Variants in GTPBP8 observed in about 807,000 individuals in gnomAD.
GTPBP8 encodes GTP-binding protein 8.
In GTPBP8, 21 loss-of-function variants were observed where a neutral mutation model predicts 27.3. That is an observed-to-expected ratio of 0.77 (90% CI 0.55 to 1.11). The LOEUF is 1.11. GTPBP8 is among the 50% of genes least tolerant of loss of function. The probability of loss-of-function intolerance (pLI) is 0.00; values close to 1 mark genes in which losing one functional copy is unlikely to be tolerated. For missense variants in GTPBP8, 380 were observed against 350.8 expected, an observed-to-expected ratio of 1.08 and a Z score of -0.67; for synonymous variants, 147 against 135.3, an observed-to-expected ratio of 1.09 and a Z score of -0.60.
chr3:112,998,122 C>T (rs1238493066), intron 4 of GTPBP8, among the ~76,000 whole-genome samples: 1 of 152,146 alleles, frequency 6.6e-6, no homozygotes, highest in Non-Finnish European at 1.5e-5. Flanking sequence ...TTTTCCTCTG[C>T]TCTCATACCA....
At position 113,001,579 on chromosome 3, in the gene GTPBP8, C is replaced by T. The variant is rs1460991566; in HGVS notation, c.*660C>T. The T allele has an allele frequency of 6.6e-6, 1 of 152,082 alleles. No individual in the cohort carries two copies. The highest frequency in any genetic ancestry group is 1.5e-5 in the Non-Finnish European group (1 of 68,014). The allele number at this position is 152,082 out of a possible 1,614,324, so 9.4% of individuals were successfully genotyped here. A position where few individuals can be genotyped will look rare whatever the true frequency, so the allele number is the denominator to read the frequency against. ...ATTAAGATTCAAATGAATGGTTTTA[C>T]AGCAGGTAACATGTGAGAAGACAGC... On this transcript the variant is annotated 3_prime_UTR_variant, in exon 6 of 6. Coordinates refer to ENST00000383678, the MANE Select transcript of GTPBP8 (RefSeq NM_014170.4).
intron 3 of GTPBP8, 77 bp downstream of exon 3, chr3:112,995,342 T>A: frequency 8.2e-6 from 7 of 854,216 alleles, no homozygotes; most frequent in Non-Finnish European, 1.3e-5. Flanking sequence ...ATTATACACA[T>A]GATTAACACT....
intron 1 of GTPBP8, chr3:112,992,460 T>C (rs1267205503): frequency 1.3e-5 from 2 of 152,468 alleles, no homozygotes; most frequent in African/African-American, 4.8e-5. Context: ...GTATTAATGG[T>C]TATTATCGAG....
intron 3 of GTPBP8, among the ~76,000 whole-genome samples, chr3:112,996,447 G>C (rs1933788219): frequency 6.6e-6 from 1 of 151,716 alleles, no homozygotes; most frequent in Non-Finnish European, 1.5e-5. Context: ...CTGGGCAACA[G>C]AATGAGGCTC....
At chr3:112,991,563 A>G (rs765854825) in intron 1 of GTPBP8, 11 of 692,076 alleles carry the variant, frequency 1.6e-5, no homozygotes, top group South Asian at 1.2e-4. Context: ...CCCATGGTAA[A>G]GTCAAAAATC....
intron 4 of GTPBP8, among the ~76,000 whole-genome samples, chr3:112,998,601 C>A (rs1559711555): frequency 6.6e-6 from 1 of 151,972 alleles, no homozygotes; most frequent in Non-Finnish European, 1.5e-5. Context: ...GTCATATGAC[C>A]ACAATCAGAA....
At chr3:112,996,400 AG>A (rs757701036) in intron 3 of GTPBP8, among the ~76,000 whole-genome samples, 65 of 152,168 alleles carry the variant, frequency 4.3e-4, no homozygotes, top group African/African-American at 1.5e-3. Flanking sequence ...CAGGAGGCAG[AG>A]GTTAGTGAGC....
chr3:113,000,959 A>C lies in GTPBP8; in HGVS notation c.*40A>C, dbSNP rs761252454. 4 of 1,115,720 alleles carry C rather than the reference A, an allele frequency of 3.6e-6. No homozygotes were observed. The African/African-American group carries it at 6.3e-5, about 18-fold the overall frequency. 69.1% of individuals were successfully genotyped at this position (1,115,720 alleles called of 1,614,324 possible). The stretch of plus-strand genomic sequence containing the variant: ...GCTGAAGATTCAAAAAAAAAAAAAA[A>C]AGCTTTATGCTAACTGGAGTTAAAT... On this transcript the variant is annotated 3_prime_UTR_variant, in exon 6 of 6. Coordinates refer to ENST00000383678, the MANE Select transcript of GTPBP8 (RefSeq NM_014170.4).
At chr3:112,994,983 GTCT>G (rs1425093883) in intron 2 of GTPBP8, 149 bp from the exon 3 acceptor site, 2 of 538,466 alleles carry the variant, frequency 3.7e-6, no homozygotes, top group Admixed American at 3.3e-5. Context: ...TTTCCCTTCT[GTCT>G]TCTTTTCCTG....
At chr3:112,999,688 T>C (rs1933855415) in intron 5 of GTPBP8, 124 bp downstream of exon 5, 1 of 587,920 alleles carries the variant, frequency 1.7e-6, no homozygotes, top group East Asian at 2.7e-5. Context: ...AGTTCTTTAG[T>C]GGTTATTTAT....
intron 4 of GTPBP8, among the ~76,000 whole-genome samples, chr3:112,998,326 C>T (rs1933826244): frequency 6.6e-6 from 1 of 152,158 alleles, no homozygotes; most frequent in Non-Finnish European, 1.5e-5. Context: ...TCCAACTACC[C>T]CCTCTTTGGG....
In GTPBP8 at chr3:112,993,665, A is replaced by G. The variant is rs1474335001; in HGVS notation, c.435+541A>G. Among the ~76,000 whole-genome samples, 4 of 152,258 alleles carry G rather than the reference A, an allele frequency of 2.6e-5. 1 individual carries two copies. The highest frequency in any genetic ancestry group is 2.0e-4 in the Admixed American group (3 of 15,292). ...ATATCTAAGATACCCTTTCTTCAAA[A>G]TCACCCCCACTTTGTCTCACCATAT... On this transcript the variant is annotated intron_variant, in intron 2 of 5. Coordinates refer to ENST00000383678, the MANE Select transcript of GTPBP8 (RefSeq NM_014170.4).
chr3:112,995,290 A>G (rs1933763516), intron 3 of GTPBP8, 25 bp downstream of exon 3: 1 of 1,505,938 alleles, frequency 6.6e-7, no homozygotes, highest in South Asian at 1.2e-5. Flanking sequence ...TTCTTATAAT[A>G]GTTATACATT....
intron 2 of GTPBP8, among the ~76,000 whole-genome samples, chr3:112,994,182 G>A (rs978391381): frequency 6.6e-6 from 1 of 152,036 alleles, no homozygotes; most frequent in Admixed American, 6.6e-5. Flanking sequence ...CAGCACTTTG[G>A]GGAGGCCGAG....
At position 112,993,661 on chromosome 3, in the gene GTPBP8, C is replaced by T. The variant is rs1374427414; in HGVS notation, c.435+537C>T. Reference sequence around the variant, plus strand: ...GCCAATATCTAAGATACCCTTTCTTCAAAATCACCCCCACTTTGTCTCACC... The same window carrying T: ...GCCAATATCTAAGATACCCTTTCTTTAAAATCACCCCCACTTTGTCTCACC... On this transcript the variant is annotated intron_variant, in intron 2 of 5. Coordinates refer to ENST00000383678, the MANE Select transcript of GTPBP8 (RefSeq NM_014170.4). Among the ~76,000 whole-genome samples, 3 of 152,216 alleles carry T rather than the reference C, an allele frequency of 2.0e-5. No individual in the cohort carries two copies. In the East Asian group the frequency reaches 5.8e-4, roughly 29 times the overall value.
intron 1 of GTPBP8, 28 bp downstream of exon 1, chr3:112,991,363 G>A: frequency 6.3e-7 from 1 of 1,599,264 alleles, no homozygotes; most frequent in Non-Finnish European, 8.6e-7. Context: ...CGGTTCACCT[G>A]CGCGCCGGCG....
In GTPBP8 at chr3:113,001,021, C is replaced by A; in HGVS notation, c.*102C>A. On this transcript the variant is annotated 3_prime_UTR_variant, in exon 6 of 6. Coordinates refer to ENST00000383678, the MANE Select transcript of GTPBP8 (RefSeq NM_014170.4). Reference sequence around the variant, plus strand: ...TTTCAACATTGTTTTAAATGTTGTGCATCTGTAACTTCAGGAGGATCACTT... The same window carrying A: ...TTTCAACATTGTTTTAAATGTTGTGAATCTGTAACTTCAGGAGGATCACTT... 1 of 684,398 alleles carries A rather than the reference C, an allele frequency of 1.5e-6. No homozygotes were observed. The allele number at this position is 684,398 out of a possible 1,614,324, so 42.4% of individuals were successfully genotyped here.
rs1933908582 is a variant in GTPBP8 at position 113,001,385 on chromosome 3, T to G, written c.*466T>G. 1 of 152,280 alleles carries G rather than the reference T, an allele frequency of 6.6e-6. No homozygotes were observed. The highest frequency in any genetic ancestry group is 6.5e-5 in the Admixed American group (1 of 15,276). 9.4% of individuals were successfully genotyped at this position (152,280 alleles called of 1,614,324 possible). A position where few individuals can be genotyped will look rare whatever the true frequency, so the allele number is the denominator to read the frequency against. On this transcript the variant is annotated 3_prime_UTR_variant, in exon 6 of 6. Transcript: ENST00000383678. The stretch of plus-strand genomic sequence containing the variant: ...TACTATGTAAGCCTATTTTTTTGAG[T>G]CCTTATTTGAATATTGAAAACATTC...
At chr3:112,993,451 T>G (rs1232808806) in intron 2 of GTPBP8, among the ~76,000 whole-genome samples, 3 of 152,238 alleles carry the variant, frequency 2.0e-5, no homozygotes, top group Non-Finnish European at 4.4e-5. Flanking sequence ...GATTGTACGG[T>G]AAATGGCTTT....
Sources: gnomAD v4.1 joint callset for allele counts (sites outside exome capture counted in the v4.1 genomes callset) on GRCh38, gnomAD v4.1.1 for gene constraint, MANE v1.5 for transcripts, NCBI Gene and HGNC (gene_info 2026-07-23, HGNC 2026-07-21) for gene names.